ADAMTS18: variants seen among roughly 807,000 people sequenced by gnomAD.
The protein encoded by ADAMTS18 is A disintegrin and metalloproteinase with thrombospondin motifs 18.
In ADAMTS18, 157 loss-of-function variants were observed where a neutral mutation model predicts 165.9. The ratio of observed to expected loss-of-function variants is 0.95; its 90% CI spans 0.83 to 1.08. ADAMTS18 has a LOEUF of 1.08. Among genes scored for constraint, ADAMTS18 ranks in the 50% least tolerant of loss-of-function variants. The pLI, the probability that ADAMTS18 is intolerant of heterozygous loss-of-function variation, is 0.00. For missense variants in ADAMTS18, 2,040 were observed against 1,534.0 expected, an observed-to-expected ratio of 1.33 and a Z score of -5.51; for synonymous variants, 782 against 578.2, an observed-to-expected ratio of 1.35 and a Z score of -5.06.
At chr16:77,338,192 C>G (rs1263412787) in intron 11 of ADAMTS18, among the ~76,000 whole-genome samples, 1 of 152,160 alleles carries the variant, frequency 6.6e-6, no homozygotes, top group Non-Finnish European at 1.5e-5. Context: ...GCGTGAGCCA[C>G]CGCGCCTGGC....
At chr16:77,387,046 A>C (rs2057117677) in intron 3 of ADAMTS18, among the ~76,000 whole-genome samples, 1 of 152,222 alleles carries the variant, frequency 6.6e-6, no homozygotes, top group African/African-American at 2.4e-5. Context: ...GGCTATTTGC[A>C]TACTAATATG....
chr16:77,425,004 G>T (rs1423860993), intron 3 of ADAMTS18, among the ~76,000 whole-genome samples: 1 of 152,164 alleles, frequency 6.6e-6, no homozygotes, highest in Non-Finnish European at 1.5e-5. Flanking sequence ...TGTTTGGCAG[G>T]CAGTGACCAG....
intron 10 of ADAMTS18, among the ~76,000 whole-genome samples, chr16:77,352,757 C>T (rs2056573771): frequency 6.6e-6 from 1 of 152,040 alleles, no homozygotes; most frequent in Non-Finnish European, 1.5e-5. Flanking sequence ...TTTTCAGTTA[C>T]TTAGAACTTC....
intron 7 of ADAMTS18, 72 bp downstream of exon 7, chr16:77,362,030 TCCA>T: frequency 6.7e-7 from 1 of 1,492,992 alleles, no homozygotes; most frequent in Non-Finnish European, 9.3e-7. Context: ...ATAAGGGCTA[TCCA>T]TCATCCATAG....
In ADAMTS18 at chr16:77,321,178, C is replaced by G; in HGVS notation, c.2188G>C (p.Gly730Arg). 6.2e-7 allele frequency: 1 copy of G among 1,614,128 alleles called. No homozygotes were observed. The highest frequency in any genetic ancestry group is 8.5e-7 in the Non-Finnish European group (1 of 1,180,016). ...CELVGCDHELGSKAVSDACGV... is the reference protein window; with the variant it reads ...CELVGCDHELRSKAVSDACGV... ...CAAGCATCTGAAACTGCTTTAGAGCCTAGTTCATGATCACATCCCACTAGC... is the reference window on the plus strand; with the variant it reads ...CAAGCATCTGAAACTGCTTTAGAGCGTAGTTCATGATCACATCCCACTAGC... The change falls in exon 15 of 23, where the codon GGC becomes CGC. Residue 730 changes from glycine (G) to arginine (R), a missense_variant. By Grantham distance (125) the Gly-to-Arg change is moderately radical (BLOSUM62 -2). Coordinates refer to ENST00000282849, the MANE Select transcript of ADAMTS18 (RefSeq NM_199355.4).
chr16:77,367,448 G>C lies in ADAMTS18; in HGVS notation c.771C>G (p.Arg257=). The change falls in exon 4 of 23, where the codon CGC becomes CGG. Residue 257 remains arginine (R), a synonymous_variant. Coordinates refer to ENST00000282849, the MANE Select transcript of ADAMTS18 (RefSeq NM_199355.4). ...AAAAGTTTCCTTACATACATTTCTT[G>C]CGTCGTCCACAAAAATGCTGCTTTT... ...RLQKQHFCGR[R]KKYAPKPPTE... is the part of the protein sequence containing the mutation. The C allele has an allele frequency of 6.2e-7, 1 of 1,614,166 alleles. No individual in the cohort carries two copies. Among genetic ancestry groups the C allele is most frequent in the Non-Finnish European group, 8.5e-7 (1 of 1,180,036 alleles).
intron 6 of ADAMTS18, among the ~76,000 whole-genome samples, chr16:77,363,236 T>A (rs1567514054): frequency 2.6e-5 from 4 of 152,244 alleles, no homozygotes; most frequent in Admixed American, 6.5e-5. Flanking sequence ...TGCCCCATGT[T>A]TGTGTCTTGC....
At chr16:77,334,174 T>C (rs1435404525) in intron 12 of ADAMTS18, among the ~76,000 whole-genome samples, 6 of 87,994 alleles carry the variant, frequency 6.8e-5, no homozygotes, top group South Asian at 7.1e-4. Flanking sequence ...TTATATATTA[T>C]ATATAATATA....
intron 2 of ADAMTS18, chr16:77,431,825 G>T (rs1458873823): frequency 1.7e-6 from 1 of 594,690 alleles, no homozygotes; most frequent in Non-Finnish European, 3.0e-6. Flanking sequence ...GTGCCCGAAA[G>T]CCAAGCACAA....
At chr16:77,342,009 T>C (rs951603787) in intron 10 of ADAMTS18, among the ~76,000 whole-genome samples, 3 of 152,214 alleles carry the variant, frequency 2.0e-5, no homozygotes, top group Admixed American at 6.5e-5. Flanking sequence ...CAGATATTCA[T>C]GTGTGTTTTG....
At chr16:77,378,300 G>C (rs542204233) in intron 3 of ADAMTS18, among the ~76,000 whole-genome samples, 1 of 151,366 alleles carries the variant, frequency 6.6e-6, no homozygotes, top group Admixed American at 6.6e-5. Flanking sequence ...TGTCCAGTGG[G>C]TGACAGAGTG....
intron 3 of ADAMTS18, among the ~76,000 whole-genome samples, chr16:77,408,472 T>C (rs1597237967): frequency 2.6e-5 from 4 of 152,082 alleles, no homozygotes; most frequent in South Asian, 2.1e-4. Context: ...AACAAAAAAA[T>C]AGATAAATAG....
intron 8 of ADAMTS18, among the ~76,000 whole-genome samples, chr16:77,358,688 G>A (rs2056667932): frequency 6.6e-6 from 1 of 152,134 alleles, no homozygotes; most frequent in South Asian, 2.1e-4. Context: ...CCTGTATGTT[G>A]AATAAAATAT....
intron 12 of ADAMTS18, among the ~76,000 whole-genome samples, chr16:77,332,003 C>T (rs930975040): frequency 8.5e-5 from 13 of 152,264 alleles, no homozygotes; most frequent in East Asian, 7.7e-4. Context: ...CAAATAGTTA[C>T]GCAATGCTAA....
intron 3 of ADAMTS18, among the ~76,000 whole-genome samples, chr16:77,383,958 C>T (rs916325261): frequency 6.6e-6 from 1 of 152,120 alleles, no homozygotes; most frequent in Non-Finnish European, 1.5e-5. Context: ...TCTCAGTCAG[C>T]CTTTTTTCCC....
intron 16 of ADAMTS18, among the ~76,000 whole-genome samples, chr16:77,314,856 G>T (rs2055859024): frequency 7.1e-6 from 1 of 139,906 alleles, no homozygotes. Context: ...TAAGTATTTT[G>T]TAGGCACTGA....
intron 3 of ADAMTS18, among the ~76,000 whole-genome samples, chr16:77,400,480 GT>G (rs1242022512): frequency 1.5e-4 from 16 of 104,026 alleles, no homozygotes; most frequent in African/African-American, 3.5e-4. Flanking sequence ...GTGTGTGTGT[GT>G]TTTGTTTTTT....
In ADAMTS18 at chr16:77,434,792, C is replaced by G. The variant is rs2097854866; in HGVS notation, c.-97G>C. Reference sequence around the variant, plus strand: ...TTCCGCGGCCCCGGAGCTCGGCGCCCCAGGTGCGGCTCCAGGTGAGAGCCG... The same window carrying G: ...TTCCGCGGCCCCGGAGCTCGGCGCCGCAGGTGCGGCTCCAGGTGAGAGCCG... On this transcript the variant is annotated 5_prime_UTR_variant, in exon 1 of 23. Coordinates refer to ENST00000282849, the MANE Select transcript of ADAMTS18 (RefSeq NM_199355.4). 9.3e-7 allele frequency: 1 copy of G among 1,073,150 alleles called. No individual in the cohort carries two copies. The highest frequency in any genetic ancestry group is 2.5e-5 in the South Asian group (1 of 39,424). The allele number at this position is 1,073,150 out of a possible 1,614,324, so 66.5% of individuals were successfully genotyped here. A position where few individuals can be genotyped will look rare whatever the true frequency, so the allele number is the denominator to read the frequency against.
chr16:77,374,064 T>C (rs560539445), intron 3 of ADAMTS18, among the ~76,000 whole-genome samples: 2 of 151,666 alleles, frequency 1.3e-5, no homozygotes, highest in African/African-American at 4.8e-5. Context: ...ACTAAAAATA[T>C]GAAAATTAGC....
Sources: gnomAD v4.1 joint callset for allele counts (sites outside exome capture counted in the v4.1 genomes callset) on GRCh38, gnomAD v4.1.1 for gene constraint, MANE v1.5 for transcripts, NCBI Gene and HGNC (gene_info 2026-07-23, HGNC 2026-07-21) for gene names.